The following NEK11 variants were observed in gnomAD, a reference collection of about 807,000 sequenced individuals.
The protein encoded by NEK11 is serine/threonine-protein kinase Nek11.
In NEK11, 72 loss-of-function variants were observed where a neutral mutation model predicts 80.7. The observed-to-expected ratio is 0.89, with a 90% CI of 0.74 to 1.08. NEK11 has a LOEUF of 1.08. Among genes scored for constraint, NEK11 ranks in the 50% least tolerant of loss-of-function variants. NEK11 has a pLI of 0.00. For synonymous variants in NEK11, 251 were observed against 260.7 expected (o/e 0.96, Z 0.36); for missense variants, 764 against 763.6 (o/e 1.00, Z -0.01).
At position 131,349,839 on chromosome 3, in the gene NEK11, A is replaced by G. The variant is rs2097427747; in HGVS notation, c.*63A>G. On this transcript the variant is annotated 3_prime_UTR_variant, in exon 18 of 18. Transcript: ENST00000383366. ...ATTTATGTGAAAATTCATTTAACAT[A>G]TAAGCTGAACTCTATTATGGGGAAT... 4.7e-6 allele frequency: 6 copies of G among 1,286,682 alleles called. No homozygotes were observed. The Middle Eastern group carries it at 5.6e-4, about 120-fold the overall frequency. 79.7% of individuals were successfully genotyped at this position (1,286,682 alleles called of 1,614,324 possible).
chr3:131,286,860 G>C (rs1397797100), intron 17 of NEK11, among the ~76,000 whole-genome samples: 1 of 152,162 alleles, frequency 6.6e-6, no homozygotes, highest in Non-Finnish European at 1.5e-5. Context: ...TAAGGTGGGG[G>C]TAGAATCAAG....
At chr3:131,085,523 A>G (rs1292043244) in intron 4 of NEK11, among the ~76,000 whole-genome samples, 1 of 152,094 alleles carries the variant, frequency 6.6e-6, no homozygotes, top group Non-Finnish European at 1.5e-5. Context: ...TGTGGGGGTA[A>G]TAGGAGAGAG....
At chr3:131,253,722 G>A (rs2095752687) in intron 16 of NEK11, among the ~76,000 whole-genome samples, 1 of 152,256 alleles carries the variant, frequency 6.6e-6, no homozygotes, top group East Asian at 1.9e-4. Context: ...TGTGTGTTGG[G>A]TGTGTACTGG....
At chr3:131,155,591 T>C (rs990338467) in intron 10 of NEK11, among the ~76,000 whole-genome samples, 2 of 152,202 alleles carry the variant, frequency 1.3e-5, no homozygotes, top group African/African-American at 4.8e-5. Flanking sequence ...AACTAAACAT[T>C]GTATTCCCCA....
chr3:131,055,217 T>C (rs752841077), intron 3 of NEK11, among the ~76,000 whole-genome samples: 22 of 152,216 alleles, frequency 1.4e-4, no homozygotes, highest in Non-Finnish European at 2.4e-4. Context: ...TCATTTAGTC[T>C]GTAAAAATTA....
Position 131,247,494 on chromosome 3 carries a change from C to A in NEK11, c.1621+3998C>A, listed in dbSNP as rs182305252. Among the ~76,000 whole-genome samples the A allele has an allele frequency of 1.8e-4, 28 of 152,046 alleles. No individual in the cohort carries two copies. In the East Asian group the frequency reaches 5.2e-3, roughly 28 times the overall value. ...TTGGTTTTTGTGCCTGTTTTTATAC[C>A]AGTACCATGTTGTTTTGATGACTAT... On this transcript the variant is annotated intron_variant, in intron 16 of 17. Coordinates refer to ENST00000383366, the MANE Select transcript of NEK11 (RefSeq NM_024800.5).
intron 4 of NEK11, among the ~76,000 whole-genome samples, chr3:131,108,933 T>A (rs1346165138): frequency 6.6e-6 from 1 of 152,048 alleles, no homozygotes; most frequent in African/African-American, 2.4e-5. Flanking sequence ...GCCAATTTAG[T>A]TTCACCAAAA....
chr3:131,247,789 AG>A (rs903640655), intron 16 of NEK11, among the ~76,000 whole-genome samples: 1 of 148,554 alleles, frequency 6.7e-6, no homozygotes, highest in African/African-American at 2.5e-5. Flanking sequence ...AGTGTTTTGT[AG>A]TTTTCCTTGT....
intron 4 of NEK11, among the ~76,000 whole-genome samples, chr3:131,101,876 G>A (rs2078416223): frequency 6.6e-6 from 1 of 152,194 alleles, no homozygotes; most frequent in Non-Finnish European, 1.5e-5. Context: ...AGGCCAAGAA[G>A]AACTTGTTTT....
intron 17 of NEK11, among the ~76,000 whole-genome samples, chr3:131,296,392 A>G (rs1374511144): frequency 6.6e-6 from 1 of 152,164 alleles, no homozygotes; most frequent in Non-Finnish European, 1.5e-5. Flanking sequence ...TGTAAAACCT[A>G]CCTTCATCGA....
intron 14 of NEK11, among the ~76,000 whole-genome samples, chr3:131,172,720 T>G (rs1402200586): frequency 6.6e-6 from 1 of 152,192 alleles, no homozygotes; most frequent in Non-Finnish European, 1.5e-5. Context: ...GAATAAGAGC[T>G]GAGTAAAATA....
intron 16 of NEK11, among the ~76,000 whole-genome samples, chr3:131,255,054 C>G (rs74380905): frequency 0.078 from 6,367 of 81,316 alleles, 244 homozygotes; most frequent in East Asian, 0.21. Flanking sequence ...GAGAGAGAGA[C>G]AGACAGACAG....
chr3:131,084,179 C>T (rs1232240169), intron 4 of NEK11, among the ~76,000 whole-genome samples: 1 of 152,192 alleles, frequency 6.6e-6, no homozygotes, highest in Non-Finnish European at 1.5e-5. Context: ...GAATCTTTAT[C>T]TCTCATGGTA....
intron 5 of NEK11, among the ~76,000 whole-genome samples, chr3:131,128,350 T>C (rs921797163): frequency 8.5e-5 from 13 of 152,156 alleles, no homozygotes; most frequent in Admixed American, 2.6e-4. Flanking sequence ...CAACCACTTA[T>C]CTTTTTGTTG....
intron 9 of NEK11, 31 bp from the exon 10 acceptor site, chr3:131,155,005 T>C: frequency 7.5e-7 from 1 of 1,326,728 alleles, no homozygotes; most frequent in South Asian, 1.2e-5. Flanking sequence ...GAGGAGCCTT[T>C]AAGATATGTC....
At chr3:131,336,912 G>T (rs2097194959) in intron 17 of NEK11, among the ~76,000 whole-genome samples, 1 of 152,076 alleles carries the variant, frequency 6.6e-6, no homozygotes, top group African/African-American at 2.4e-5. Flanking sequence ...AAACCACAAT[G>T]AGATACCATC....
At chr3:131,112,561 T>C (rs979311743) in intron 5 of NEK11, among the ~76,000 whole-genome samples, 5 of 152,170 alleles carry the variant, frequency 3.3e-5, no homozygotes, top group Non-Finnish European at 5.9e-5. Flanking sequence ...TGCATTTTAA[T>C]GTAAGTTATA....
At chr3:131,194,527 C>T (rs2093924815) in intron 14 of NEK11, among the ~76,000 whole-genome samples, 2 of 151,988 alleles carry the variant, frequency 1.3e-5, no homozygotes, top group Non-Finnish European at 2.9e-5. Flanking sequence ...TTTCTCTTCC[C>T]CACTGTTCAA....
chr3:131,177,526 C>A (rs769449961), intron 14 of NEK11, among the ~76,000 whole-genome samples: 1 of 152,134 alleles, frequency 6.6e-6, no homozygotes, highest in Non-Finnish European at 1.5e-5. Context: ...TTGTTAGAAT[C>A]GGACTTATCT....
Sources: gnomAD v4.1 joint callset for allele counts (sites outside exome capture counted in the v4.1 genomes callset) on GRCh38, gnomAD v4.1.1 for gene constraint, MANE v1.5 for transcripts, NCBI Gene and HGNC (gene_info 2026-07-23, HGNC 2026-07-21) for gene names.